The following FBXO11 variants were observed in gnomAD, a reference collection of about 807,000 sequenced individuals.
FBXO11 encodes the protein F-box protein 11.
A neutral mutation model predicts 117.0 loss-of-function variants in FBXO11; 13 were observed. The ratio of observed to expected loss-of-function variants is 0.11; its 90% CI spans 0.07 to 0.18. FBXO11 has a LOEUF of 0.18. Among genes scored for constraint, FBXO11 ranks in the 10% least tolerant of loss-of-function variants. The pLI, the probability that FBXO11 is intolerant of heterozygous loss-of-function variation, is 1.00. For synonymous variants in FBXO11, 490 were observed against 380.5 expected, an observed-to-expected ratio of 1.29 and a Z score of -3.35; for missense variants, 767 against 1,164.4, an observed-to-expected ratio of 0.66 and a Z score of 4.97.
chr2:47,878,872 G>T (rs1036530782), intron 1 of FBXO11, among the ~76,000 whole-genome samples: 5 of 151,862 alleles, frequency 3.3e-5, no homozygotes, highest in Non-Finnish European at 7.4e-5. Context: ...CCGGCTACTC[G>T]AGAGGCTGAG....
chr2:47,821,546 C>G (rs1351138810), intron 13 of FBXO11, among the ~76,000 whole-genome samples: 1 of 150,924 alleles, frequency 6.6e-6, no homozygotes, highest in East Asian at 1.9e-4. Context: ...GGAGGTGGAG[C>G]TTGCAGTGAG....
chr2:47,825,571 C>CTTTTT (rs751404253), intron 11 of FBXO11, among the ~76,000 whole-genome samples: 26 of 88,296 alleles, frequency 2.9e-4, no homozygotes, highest in African/African-American at 6.8e-4. Context: ...TCTTCTTCTT[C>CTTTTT]TTTTTTTTTT....
intron 18 of FBXO11, among the ~76,000 whole-genome samples, chr2:47,812,273 CATA>C (rs1024007101): frequency 6.6e-6 from 1 of 152,152 alleles, no homozygotes; most frequent in Non-Finnish European, 1.5e-5. Flanking sequence ...GCATCTGTAT[CATA>C]GTAGTTGGTA....
At chr2:47,854,955 G>T (rs1674166865) in intron 1 of FBXO11, among the ~76,000 whole-genome samples, 1 of 150,078 alleles carries the variant, frequency 6.7e-6, no homozygotes, top group Non-Finnish European at 1.5e-5. Context: ...GTGCATATAA[G>T]AAACTAAGGC....
Position 47,815,863 on chromosome 2 carries a change from G to A in FBXO11, c.2007-1996C>T, listed in dbSNP as rs930209551. 4.6e-5 allele frequency among the ~76,000 whole-genome samples: 7 copies of A among 152,304 alleles called. No individual in the cohort carries two copies. In the East Asian group the frequency reaches 1.2e-3, roughly 25 times the overall value. On this transcript the variant is annotated intron_variant, in intron 16 of 22. Coordinates refer to ENST00000403359, the MANE Select transcript of FBXO11 (RefSeq NM_001190274.2). ...TCTGATCCTCCTGTGGCTCAGCAGG[G>A]ATGTGTTTTAGAGCAGCATGTTCAG...
chr2:47,886,940 G>A (rs892085731), intron 1 of FBXO11, among the ~76,000 whole-genome samples: 1 of 152,178 alleles, frequency 6.6e-6, no homozygotes, highest in African/African-American at 2.4e-5. Flanking sequence ...TCGAGAGGCA[G>A]AGGTTGAGGC....
intron 1 of FBXO11, among the ~76,000 whole-genome samples, chr2:47,890,370 T>C (rs750010119): frequency 1.3e-5 from 2 of 152,160 alleles, no homozygotes; most frequent in Non-Finnish European, 2.9e-5. Flanking sequence ...AAAATATAGA[T>C]GTCTATAAAT....
At chr2:47,851,102 G>C (rs894676941) in intron 1 of FBXO11, among the ~76,000 whole-genome samples, 2 of 152,162 alleles carry the variant, frequency 1.3e-5, no homozygotes, top group Non-Finnish European at 2.9e-5. Context: ...AACTGATATG[G>C]CCAGAGTTAT....
intron 1 of FBXO11, among the ~76,000 whole-genome samples, chr2:47,854,165 A>T (rs943883187): frequency 1.3e-5 from 2 of 152,178 alleles, no homozygotes; most frequent in African/African-American, 4.8e-5. Context: ...ACAAAAGAGA[A>T]AACAGTTACT....
chr2:47,876,427 C>T (rs902142719), intron 1 of FBXO11, among the ~76,000 whole-genome samples: 1 of 152,188 alleles, frequency 6.6e-6, no homozygotes, highest in Non-Finnish European at 1.5e-5. Flanking sequence ...ATCTTTGGTT[C>T]TCCCATCAAG....
chr2:47,809,479 A>G, intron 20 of FBXO11, 121 bp downstream of exon 20: 1 of 779,364 alleles, frequency 1.3e-6, no homozygotes, highest in Non-Finnish European at 2.0e-6. Flanking sequence ...TTTCTTTCAA[A>G]ATCTATCTTA....
rs1670555974 is a variant in FBXO11, at chr2:47,810,773, C to T, written c.2228-347G>A. 1.2e-5 allele frequency: 2 copies of T among 169,076 alleles called. 1 individual carries two copies. Among genetic ancestry groups the T allele is most frequent in the South Asian group, 3.8e-4 (2 of 5,230 alleles). The allele number at this position is 169,076 out of a possible 1,614,324, so 10.5% of individuals were successfully genotyped here. Reference sequence around the variant, plus strand: ...AATTCCTTTGAAATATTTCTAGAACCTTTGTATCCTCTTTGTTTTTAGTTC... The same window carrying T: ...AATTCCTTTGAAATATTTCTAGAACTTTTGTATCCTCTTTGTTTTTAGTTC... On this transcript the variant is annotated intron_variant, in intron 18 of 22. Coordinates refer to ENST00000403359, the MANE Select transcript of FBXO11 (RefSeq NM_001190274.2).
chr2:47,832,311 C>T (rs190325040), intron 11 of FBXO11, 38 bp downstream of exon 11: 77 of 1,536,296 alleles, frequency 5.0e-5, no homozygotes, highest in African/African-American at 6.9e-5. Context: ...TTAACTGATA[C>T]AGAAGTCCGT....
chr2:47,835,451 A>C (rs1269317864), intron 5 of FBXO11, among the ~76,000 whole-genome samples: 1 of 152,150 alleles, frequency 6.6e-6, no homozygotes, highest in East Asian at 1.9e-4. Context: ...AGTGAAAAGA[A>C]TTGCTGAATA....
intron 11 of FBXO11, among the ~76,000 whole-genome samples, chr2:47,830,297 A>C (rs1038192719): frequency 6.6e-6 from 1 of 152,178 alleles, no homozygotes; most frequent in Non-Finnish European, 1.5e-5. Context: ...GGAAAGAAAG[A>C]AACTCAGCTA....
At position 47,905,966 on chromosome 2, in the gene FBXO11, G is replaced by A. The variant is rs1678785058; in HGVS notation, c.-246C>T. On this transcript the variant is annotated 5_prime_UTR_variant, in exon 1 of 23. Coordinates refer to ENST00000403359, the MANE Select transcript of FBXO11 (RefSeq NM_001190274.2). ...GGCCTGACGCACGGGGAAGGCCGAA[G>A]CCGCCGGGCGGGGCGGCCGCGAGGG... 1.4e-5 allele frequency: 6 copies of A among 421,522 alleles called. No individual in the cohort carries two copies. The highest frequency in any genetic ancestry group is 1.3e-5 in the Non-Finnish European group (3 of 237,748). The allele number at this position is 421,522 out of a possible 1,614,324, so 26.1% of individuals were successfully genotyped here.
At chr2:47,849,359 CATA>C (rs1673668827) in intron 1 of FBXO11, among the ~76,000 whole-genome samples, 1 of 152,178 alleles carries the variant, frequency 6.6e-6, no homozygotes, top group South Asian at 2.1e-4. Flanking sequence ...GATACTGTTA[CATA>C]ATACTTCCAT....
At chr2:47,900,999 G>C (rs1195013735) in intron 1 of FBXO11, among the ~76,000 whole-genome samples, 1 of 142,254 alleles carries the variant, frequency 7.0e-6, no homozygotes, top group Non-Finnish European at 1.5e-5. Context: ...AATATTGCCG[G>C]TGGGGAGATA....
chr2:47,841,028 C>T (rs532568037), intron 1 of FBXO11, among the ~76,000 whole-genome samples: 1 of 152,042 alleles, frequency 6.6e-6, no homozygotes, highest in South Asian at 2.1e-4. Flanking sequence ...GAAACCCCAT[C>T]TCTACTAAAA....
Sources: gnomAD v4.1 joint callset for allele counts (sites outside exome capture counted in the v4.1 genomes callset) on GRCh38, gnomAD v4.1.1 for gene constraint, MANE v1.5 for transcripts, NCBI Gene and HGNC (gene_info 2026-07-23, HGNC 2026-07-21) for gene names.